Variants in FAM13B observed in about 807,000 individuals in gnomAD.
FAM13B encodes the protein family with sequence similarity 13 member B.
A neutral mutation model predicts 117.3 loss-of-function variants in FAM13B; 60 were observed. The observed-to-expected ratio is 0.51, with a 90% CI of 0.42 to 0.63. FAM13B has a LOEUF of 0.63. FAM13B is among the 30% of genes least tolerant of loss of function. The pLI, the probability that FAM13B is intolerant of heterozygous loss-of-function variation, is 0.00. For synonymous variants in FAM13B, 332 were observed against 356.1 expected (o/e 0.93, Z 0.76); for missense variants, 972 against 1,091.9 (o/e 0.89, Z 1.55).
chr5:138,017,473 G>A (rs1054649556), intron 4 of FAM13B, among the ~76,000 whole-genome samples: 26 of 152,048 alleles, frequency 1.7e-4, no homozygotes, highest in Non-Finnish European at 4.4e-5. Context: ...TAGAAGCCCC[G>A]ATTCAAAAAA....
chr5:137,950,154 A>G (rs1307291433), intron 17 of FAM13B, among the ~76,000 whole-genome samples: 1 of 152,250 alleles, frequency 6.6e-6, no homozygotes, highest in Non-Finnish European at 1.5e-5. Context: ...TCAGATTAGT[A>G]AAATAACTTT....
intron 20 of FAM13B, among the ~76,000 whole-genome samples, chr5:137,944,778 A>C (rs931888488): frequency 6.8e-6 from 1 of 147,322 alleles, no homozygotes; most frequent in Non-Finnish European, 1.5e-5. Flanking sequence ...AAAAAAAAAA[A>C]CAAAATCATG....
chr5:137,961,502 A>G (rs1768107602), intron 11 of FAM13B, among the ~76,000 whole-genome samples: 1 of 152,196 alleles, frequency 6.6e-6, no homozygotes, highest in South Asian at 2.1e-4. Flanking sequence ...CCTGAAAGGA[A>G]GGACAAGGAA....
At chr5:138,019,632 G>A (rs986974788) in intron 2 of FAM13B, among the ~76,000 whole-genome samples, 1 of 152,016 alleles carries the variant, frequency 6.6e-6, no homozygotes, top group African/African-American at 2.4e-5. Context: ...GGGCTAATAA[G>A]AACAAGATTA....
At chr5:137,978,734 C>T (rs1774768820) in intron 10 of FAM13B, among the ~76,000 whole-genome samples, 1 of 152,120 alleles carries the variant, frequency 6.6e-6, no homozygotes, top group African/African-American at 2.4e-5. Flanking sequence ...ACAGAGGTTC[C>T]CCAAGGGTTT....
intron 10 of FAM13B, among the ~76,000 whole-genome samples, chr5:137,983,503 TG>T (rs1017989270): frequency 3.3e-5 from 5 of 151,990 alleles, no homozygotes; most frequent in Admixed American, 6.6e-5. Flanking sequence ...TAGAATGGGA[TG>T]GGGGGAGTCG....
chr5:137,966,472 TATATATATATATATATAGAG>T (rs1769827922), intron 10 of FAM13B, among the ~76,000 whole-genome samples: 1 of 68,308 alleles, frequency 1.5e-5, no homozygotes, highest in South Asian at 6.4e-4. Flanking sequence ...TATATATATA[TATATATATATATATATAGAG>T]AGAGAGAGAG....
chr5:138,025,539 A>G (rs893059016), intron 1 of FAM13B, among the ~76,000 whole-genome samples: 2 of 152,052 alleles, frequency 1.3e-5, no homozygotes, highest in Non-Finnish European at 2.9e-5. Flanking sequence ...GTGCATCTTC[A>G]TACACCAGCT....
chr5:137,948,763 T>TTTA (rs1320170737), intron 18 of FAM13B, among the ~76,000 whole-genome samples, 192 bp downstream of exon 18: 1 of 152,180 alleles, frequency 6.6e-6, no homozygotes, highest in African/African-American at 2.4e-5. Context: ...TTTTTTCAGT[T>TTTA]TTATTATGAT....
At chr5:137,990,798 TAAAC>T (rs781567895) in intron 7 of FAM13B, among the ~76,000 whole-genome samples, 162 of 151,944 alleles carry the variant, frequency 1.1e-3, no homozygotes, top group Admixed American at 1.8e-3. Flanking sequence ...TCAAAAAAAA[TAAAC>T]AAATAAGGAT....
chr5:137,945,520 T>C (rs1471131270), intron 20 of FAM13B, among the ~76,000 whole-genome samples: 6 of 152,208 alleles, frequency 3.9e-5, no homozygotes, highest in Non-Finnish European at 7.4e-5. Flanking sequence ...ACGACATGAA[T>C]TTAAATGGAA....
In FAM13B at chr5:137,962,408, T is replaced by A. The variant is rs775228332; in HGVS notation, c.1241A>T (p.Glu414Val). 1.5e-5 allele frequency: 25 copies of A among 1,613,590 alleles called. No homozygotes were observed. In the African/African-American group the frequency reaches 3.3e-4, roughly 22 times the overall value. ...AGCAACAAGAAAAAATGCTTACCTC[T>A]CAAGACAGCCATCTTCACTATCACC... ...DRGDSEDGCLEREEYLLFDSD... is the reference protein window; with the variant it reads ...DRGDSEDGCLVREEYLLFDSD... Residue 414 changes from glutamate (E) to valine (V), a missense_variant, in exon 11 of 24, where the codon GAG (glutamate) becomes GTG (valine). Coordinates refer to ENST00000689681, the MANE Select transcript of FAM13B (RefSeq NM_001385994.1).
At chr5:137,995,064 A>G (rs1381149317) in intron 7 of FAM13B, among the ~76,000 whole-genome samples, 1 of 152,232 alleles carries the variant, frequency 6.6e-6, no homozygotes, top group Non-Finnish European at 1.5e-5. Flanking sequence ...GCACCTTCCA[A>G]CAAAAACATC....
Position 138,018,304 on chromosome 5 carries a change from T to C in FAM13B, c.368A>G (p.Gln123Arg), listed in dbSNP as rs769590998. The change falls in exon 4 of 24, where the codon CAA becomes CGA. Residue 123 changes from glutamine (Q) to arginine (R), a missense_variant and splice_region_variant. Coordinates refer to ENST00000689681, the MANE Select transcript of FAM13B (RefSeq NM_001385994.1). ...SLHIHLMQLS[Q>R]DYNNEDEFGR... ...TGATAAGTATCAAATTATGTTACCT[T>C]GAGAAAGCTGCATCAAGTGAATATG... The C allele has an allele frequency of 1.9e-6, 3 of 1,609,898 alleles. No homozygotes were observed. The East Asian group carries it at 6.7e-5, about 36-fold the overall frequency.
chr5:137,942,395 C>T, intron 22 of FAM13B: 1 of 241,512 alleles, frequency 4.1e-6, no homozygotes, highest in Non-Finnish European at 8.0e-6. Flanking sequence ...GACAGAGTCT[C>T]ACTCTGTCGC....
chr5:137,939,945 C>G lies in FAM13B; in HGVS notation c.*280G>C, dbSNP rs1249424735. On this transcript the variant is annotated 3_prime_UTR_variant, in exon 24 of 24. Coordinates refer to ENST00000689681, the MANE Select transcript of FAM13B (RefSeq NM_001385994.1). Reference sequence around the variant, plus strand: ...GAAAGGATAAAATTCCAGTCTTTTGCTAAAAGGATGTATCTGTAGTACAAA... The same window carrying G: ...GAAAGGATAAAATTCCAGTCTTTTGGTAAAAGGATGTATCTGTAGTACAAA... 7.3e-7 allele frequency: 1 copy of G among 1,373,372 alleles called. No homozygotes were observed. Among genetic ancestry groups the G allele is most frequent in the Non-Finnish European group, 9.4e-7 (1 of 1,060,024 alleles). The allele number at this position is 1,373,372 out of a possible 1,614,324, so 85.1% of individuals were successfully genotyped here. A position where few individuals can be genotyped will look rare whatever the true frequency, so the allele number is the denominator to read the frequency against.
intron 10 of FAM13B, among the ~76,000 whole-genome samples, chr5:137,966,643 C>G (rs1008566481): frequency 1.3e-4 from 20 of 151,724 alleles, no homozygotes; most frequent in Non-Finnish European, 2.7e-4. Context: ...ATATGAAAAA[C>G]TTATCATCGT....
chr5:138,040,262 CAAAAAA>C (rs3032825), intron 1 of FAM13B, among the ~76,000 whole-genome samples: 1 of 25,224 alleles, frequency 4.0e-5, no homozygotes, highest in Non-Finnish European at 6.8e-5. Context: ...GACTCTGTCT[CAAAAAA>C]AAAAAAAAAA....
At chr5:138,043,645 G>A (rs191518224) in intron 1 of FAM13B, among the ~76,000 whole-genome samples, 485 of 151,698 alleles carry the variant, frequency 3.2e-3, no homozygotes, top group Non-Finnish European at 4.3e-3. Context: ...TCACCATGTT[G>A]GTCAGACTGG....
Sources: allele counts gnomAD v4.1 joint callset (sites outside exome capture counted in the v4.1 genomes callset), GRCh38; gene constraint gnomAD v4.1.1; transcripts MANE v1.5; gene names NCBI Gene and HGNC (gene_info 2026-07-23, HGNC 2026-07-21).